Variants in GPHN observed in about 807,000 individuals in gnomAD.
GPHN encodes gephyrin.
GPHN carries 17 observed loss-of-function variants against 95.5 expected under a neutral mutation model. The ratio of observed to expected loss-of-function variants is 0.18; its 90% CI spans 0.12 to 0.27. GPHN has a LOEUF of 0.27. Among genes scored for constraint, GPHN ranks in the 10% least tolerant of loss-of-function variants. The pLI is 1.00. For synonymous variants in GPHN, 320 were observed against 322.5 expected (o/e 0.99, Z 0.08); for missense variants, 660 against 978.1 (o/e 0.67, Z 4.34).
the GPHN span, among the ~76,000 whole-genome samples, chr14:67,563,584 C>T: frequency 3.3e-5 from 5 of 151,836 alleles, no homozygotes; most frequent in African/African-American, 4.8e-5. Context: ...CAGGCATGCA[C>T]CACCACGCCC....
chr14:66,966,799 T>A (rs1211938023), intron 9 of GPHN, among the ~76,000 whole-genome samples: 1 of 152,024 alleles, frequency 6.6e-6, no homozygotes, highest in Non-Finnish European at 1.5e-5. Context: ...GCTGAAATCA[T>A]AAATATTTTT....
chr14:66,656,761 A>G (rs1312646399), intron 1 of GPHN, among the ~76,000 whole-genome samples: 1 of 152,168 alleles, frequency 6.6e-6, no homozygotes, highest in East Asian at 1.9e-4. Context: ...GGTGAACTTA[A>G]TCAATAAATG....
rs563235724 is a variant in GPHN at position 66,787,585 on chromosome 14, G to A, written c.201+11064G>A. Among the ~76,000 whole-genome samples the A allele has an allele frequency of 1.1e-3, 173 of 152,224 alleles. 10 individuals carry two copies. In the South Asian group the frequency reaches 0.035, roughly 31 times the overall value. ...CTCTACCCAATGAAAGTTTCATTCT[G>A]TATCTACAGTATTCAAGATAGTATA... On this transcript the variant is annotated intron_variant, in intron 3 of 22. Coordinates refer to ENST00000478722, the MANE Select transcript of GPHN (RefSeq NM_020806.5).
At chr14:67,621,286 T>G in the GPHN span, among the ~76,000 whole-genome samples, 12 of 152,336 alleles carry the variant, frequency 7.9e-5, no homozygotes, top group East Asian at 2.3e-3. Flanking sequence ...TCCATTTTCC[T>G]AACTCCATCT....
At chr14:66,846,632 T>C (rs955536835) in intron 4 of GPHN, among the ~76,000 whole-genome samples, 1 of 152,196 alleles carries the variant, frequency 6.6e-6, no homozygotes, top group African/African-American at 2.4e-5. Context: ...TTATCACAGC[T>C]GAAGGATGCT....
chr14:66,624,815 C>T (rs1190074701), intron 1 of GPHN, among the ~76,000 whole-genome samples: 4 of 152,192 alleles, frequency 2.6e-5, no homozygotes, highest in Non-Finnish European at 5.9e-5. Flanking sequence ...TAACTCCTAC[C>T]TTAGACAGTA....
the GPHN span, chr14:67,198,294 C>G: frequency 3.7e-6 from 6 of 1,613,562 alleles, no homozygotes; most frequent in Non-Finnish European, 4.2e-6. Context: ...TGTATCTCCT[C>G]CCATGTTAGA....
the GPHN span, chr14:67,728,302 T>C: frequency 2.0e-5 from 3 of 152,284 alleles, no homozygotes; most frequent in Non-Finnish European, 4.4e-5. Context: ...TGCCATGTAC[T>C]ACACATCTTA....
At chr14:66,762,425 T>C (rs2058791589) in intron 2 of GPHN, among the ~76,000 whole-genome samples, 1 of 152,180 alleles carries the variant, frequency 6.6e-6, no homozygotes, top group African/African-American at 2.4e-5. Flanking sequence ...GAATATATTA[T>C]GGTCGATATC....
chr14:66,665,634 A>G (rs1302776629), intron 1 of GPHN, among the ~76,000 whole-genome samples: 1 of 152,182 alleles, frequency 6.6e-6, no homozygotes, highest in Non-Finnish European at 1.5e-5. Context: ...AAATAGGAAC[A>G]CTTTTACACT....
the GPHN span, among the ~76,000 whole-genome samples, chr14:67,373,350 A>G: frequency 6.6e-6 from 1 of 152,218 alleles, no homozygotes; most frequent in Non-Finnish European, 1.5e-5. Flanking sequence ...ATGAAAAAGA[A>G]TGCTCAGAAT....
At chr14:66,800,960 G>A (rs1300135196) in intron 3 of GPHN, among the ~76,000 whole-genome samples, 1 of 152,116 alleles carries the variant, frequency 6.6e-6, no homozygotes, top group Admixed American at 6.5e-5. Flanking sequence ...TGCTTAATCA[G>A]TTCTGCTGTT....
chr14:67,506,705 G>C, the GPHN span, among the ~76,000 whole-genome samples: 1 of 152,178 alleles, frequency 6.6e-6, no homozygotes, highest in South Asian at 2.1e-4. Context: ...CTTTGTTTGG[G>C]CCAGGAGTGG....
chr14:67,235,411 C>G, the GPHN span, among the ~76,000 whole-genome samples: 4 of 152,068 alleles, frequency 2.6e-5, no homozygotes, highest in African/African-American at 7.2e-5. Flanking sequence ...CCTACATCCT[C>G]TCTCGGAAAT....
At chr14:67,682,804 C>A in the GPHN span, among the ~76,000 whole-genome samples, 1 of 152,182 alleles carries the variant, frequency 6.6e-6, no homozygotes, top group Admixed American at 6.5e-5. Flanking sequence ...CAGTATTATT[C>A]AAATAGCTAA....
intron 9 of GPHN, among the ~76,000 whole-genome samples, chr14:66,979,860 C>T (rs1004693079): frequency 6.6e-6 from 1 of 152,088 alleles, no homozygotes. Context: ...TACTTGAACT[C>T]TTAGAGGCCA....
At chr14:67,542,381 C>T in the GPHN span, among the ~76,000 whole-genome samples, 2 of 152,182 alleles carry the variant, frequency 1.3e-5, no homozygotes, top group African/African-American at 4.8e-5. Context: ...AATAAATGAG[C>T]TACAGGAGGT....
At chr14:66,858,396 C>T (rs2062885752) in intron 4 of GPHN, among the ~76,000 whole-genome samples, 1 of 151,874 alleles carries the variant, frequency 6.6e-6, no homozygotes, top group African/African-American at 2.4e-5. Flanking sequence ...TCCCGGACAA[C>T]ATTTCTAAAC....
chr14:66,875,938 A>G (rs1225536486), intron 4 of GPHN, among the ~76,000 whole-genome samples: 1 of 152,194 alleles, frequency 6.6e-6, no homozygotes, highest in Non-Finnish European at 1.5e-5. Flanking sequence ...ACCCCAAATC[A>G]ACAGAATGTA....
Sources: gnomAD v4.1 joint callset for allele counts (sites outside exome capture counted in the v4.1 genomes callset) on GRCh38, gnomAD v4.1.1 for gene constraint, MANE v1.5 for transcripts, NCBI Gene and HGNC (gene_info 2026-07-23, HGNC 2026-07-21) for gene names.